RGS9: variants seen among roughly 807,000 people sequenced by gnomAD.
RGS9 encodes regulator of G protein signaling 9, also known as regulator of G-protein signalling 9.
In RGS9, 78 loss-of-function variants were observed where a neutral mutation model predicts 102.0. That is an observed-to-expected ratio of 0.76 (90% CI 0.64 to 0.92). The LOEUF is 0.92. Among genes scored for constraint, RGS9 ranks in the 40% least tolerant of loss-of-function variants. The pLI, the probability that RGS9 is intolerant of heterozygous loss-of-function variation, is 0.00. For missense variants in RGS9, 833 were observed against 866.1 expected (o/e 0.96, Z 0.48); for synonymous variants, 353 against 318.6 (o/e 1.11, Z -1.15).
chr17:65,189,346 G>T, intron 10 of RGS9, 31 bp downstream of exon 10: 1 of 1,558,628 alleles, frequency 6.4e-7, no homozygotes, highest in Non-Finnish European at 8.9e-7. Flanking sequence ...AGTGAAGAAT[G>T]GTTTTAAATC....
At chr17:65,210,721 G>C (rs1913262193) in intron 17 of RGS9, 116 bp downstream of exon 17, 9 of 1,536,760 alleles carry the variant, frequency 5.9e-6, no homozygotes, top group Non-Finnish European at 7.9e-6. Flanking sequence ...AGAAGGGTAG[G>C]GTCAGAGTCT....
intron 12 of RGS9, among the ~76,000 whole-genome samples, chr17:65,194,665 A>C (rs1236003388): frequency 1.3e-5 from 2 of 152,170 alleles, no homozygotes; most frequent in African/African-American, 4.8e-5. Flanking sequence ...GCAGAAACAC[A>C]GGAGAGTTCC....
intron 12 of RGS9, among the ~76,000 whole-genome samples, chr17:65,195,862 C>A (rs1343317597): frequency 1.3e-5 from 2 of 152,222 alleles, no homozygotes; most frequent in African/African-American, 4.8e-5. Context: ...AGCGTTGATT[C>A]CCAGTGTGGG....
In RGS9 at chr17:65,210,615, A is replaced by G; in HGVS notation, c.1407+10A>G. Reference sequence around the variant, plus strand: ...TGTGGACATCACCCAGGTCATGAGCAAGCTGGACCGCAGGAGCCAACTCCA... The same window carrying G: ...TGTGGACATCACCCAGGTCATGAGCGAGCTGGACCGCAGGAGCCAACTCCA... On this transcript the variant is annotated intron_variant, in intron 17 of 18. Transcript: ENST00000262406. 2 of 1,613,690 alleles carry G rather than the reference A, an allele frequency of 1.2e-6. No individual in the cohort carries two copies. The highest frequency in any genetic ancestry group is 1.7e-6 in the Non-Finnish European group (2 of 1,180,020).
In RGS9 at chr17:65,173,620, G is replaced by T. The variant is rs557322979; in HGVS notation, c.583-4112G>T. 6.6e-6 allele frequency among the ~76,000 whole-genome samples: 1 copy of T among 152,344 alleles called. No homozygotes were observed. Among genetic ancestry groups the T allele is most frequent in the Non-Finnish European group, 1.5e-5 (1 of 68,030 alleles). On this transcript the variant is annotated intron_variant, in intron 8 of 18. Coordinates refer to ENST00000262406, the MANE Select transcript of RGS9 (RefSeq NM_003835.4). The surrounding 1 kb of genome is among the most constrained non-coding windows in gnomAD (Gnocchi z 4.8). ...GAGGGGAGCTTGCATGTCTCTGAAGGCTTCCTGCATGAGGCACCAGGGCAG... is the reference window on the plus strand; with the variant it reads ...GAGGGGAGCTTGCATGTCTCTGAAGTCTTCCTGCATGAGGCACCAGGGCAG...
chr17:65,195,124 G>C (rs776793430), intron 12 of RGS9, among the ~76,000 whole-genome samples: 1 of 152,170 alleles, frequency 6.6e-6, no homozygotes, highest in Non-Finnish European at 1.5e-5. Context: ...GCCTCCCAGC[G>C]TACTGAATGA....
intron 9 of RGS9, 62 bp downstream of exon 9, chr17:65,177,865 C>G: frequency 7.7e-7 from 1 of 1,302,212 alleles, no homozygotes; most frequent in Non-Finnish European, 1.1e-6. Flanking sequence ...GGGAAGGTGT[C>G]CACATGTCTA....
At chr17:65,208,320 C>G (rs551054684) in intron 16 of RGS9, among the ~76,000 whole-genome samples, 2 of 152,126 alleles carry the variant, frequency 1.3e-5, no homozygotes, top group African/African-American at 2.4e-5. Context: ...AACTGCTACT[C>G]GTTACCTCCA....
chr17:65,178,004 G>A (rs1419699760), intron 9 of RGS9, among the ~76,000 whole-genome samples: 2 of 152,178 alleles, frequency 1.3e-5, no homozygotes, highest in African/African-American at 4.8e-5. Flanking sequence ...AAGAAATTAC[G>A]ACTGAAGACA....
In RGS9 at chr17:65,160,553, C is replaced by T. The variant is rs116098792; in HGVS notation, c.330C>T (p.Pro110=). 3.7e-6 allele frequency: 6 copies of T among 1,614,238 alleles called. No homozygotes were observed. The African/African-American group carries it at 8.0e-5, about 22-fold the overall frequency. Residue 110 remains proline, a synonymous_variant, in exon 5 of 19, where the codon CCC becomes CCT. Transcript: ENST00000262406. The part of the protein sequence containing the change: ...LYRFQTPYFW[P]TQQWPAEDTD... ...TTTTGCAGACACCGTATTTCTGGCCCACCCAGCAGTGGCCAGCTGAAGATA... is the reference window on the plus strand; with the variant it reads ...TTTTGCAGACACCGTATTTCTGGCCTACCCAGCAGTGGCCAGCTGAAGATA...
rs770978062 is a variant in RGS9 at position 65,168,328 on chromosome 17, C to T, written c.582+47C>T. The T allele has an allele frequency of 1.4e-5, 18 of 1,317,608 alleles. No individual in the cohort carries two copies. The South Asian group carries it at 1.5e-4, about 11-fold the overall frequency. 81.6% of individuals were successfully genotyped at this position (1,317,608 alleles called of 1,614,324 possible). A position where few individuals can be genotyped will look rare whatever the true frequency, so the allele number is the denominator to read the frequency against. Reference sequence around the variant, plus strand: ...GTCCTCTGTCTCTTCCTGTGCCTCCCACCTCCATCCTGTGCTCTCCATACC... The same window carrying T: ...GTCCTCTGTCTCTTCCTGTGCCTCCTACCTCCATCCTGTGCTCTCCATACC... On this transcript the variant is annotated intron_variant, in intron 8 of 18. Coordinates refer to ENST00000262406, the MANE Select transcript of RGS9 (RefSeq NM_003835.4).
intron 6 of RGS9, among the ~76,000 whole-genome samples, chr17:65,162,241 A>T (rs920299021): frequency 2.0e-5 from 3 of 151,906 alleles, no homozygotes; most frequent in Non-Finnish European, 2.9e-5. Flanking sequence ...AGATTAAAAA[A>T]TTAGCCAGGT....
chr17:65,184,814 C>A (rs1053953849), intron 9 of RGS9, among the ~76,000 whole-genome samples: 9 of 122,686 alleles, frequency 7.3e-5, no homozygotes, highest in African/African-American at 4.4e-4. Flanking sequence ...CTCTTTCTTT[C>A]CTCTCTCTCT....
At chr17:65,197,874 T>C (rs773105341) in intron 13 of RGS9, among the ~76,000 whole-genome samples, 1 of 152,084 alleles carries the variant, frequency 6.6e-6, no homozygotes, top group Non-Finnish European at 1.5e-5. Context: ...TTTCACCATA[T>C]TGGCCACGCT....
chr17:65,154,404 AG>A (rs1249979822), intron 2 of RGS9, among the ~76,000 whole-genome samples: 1 of 152,180 alleles, frequency 6.6e-6, no homozygotes, highest in East Asian at 1.9e-4. Context: ...GAGGGAGAAA[AG>A]GACTCAACAG....
chr17:65,186,499 G>A (rs1231977703), intron 9 of RGS9, among the ~76,000 whole-genome samples: 2 of 152,108 alleles, frequency 1.3e-5, no homozygotes, highest in African/African-American at 4.8e-5. Context: ...CACCGAACCC[G>A]GCCTTGTTTA....
chr17:65,150,576 CA>C (rs1910539860), intron 1 of RGS9, among the ~76,000 whole-genome samples: 1 of 152,084 alleles, frequency 6.6e-6, no homozygotes, highest in African/African-American at 2.4e-5. Flanking sequence ...GAGCTGAGAT[CA>C]TGCCACTGCA....
At chr17:65,201,802 T>C (rs2292593) in intron 13 of RGS9, among the ~76,000 whole-genome samples, 191 bp from the exon 14 acceptor site, 30,412 of 152,170 alleles carry the variant, frequency 0.2, 5,080 homozygotes, top group African/African-American at 0.43. Flanking sequence ...AGTGAAGATG[T>C]GGCTCCTTTC....
rs78613898 is a variant in RGS9 at position 65,138,336 on chromosome 17, C to T, written c.57+739C>T. On this transcript the variant is annotated intron_variant, in intron 1 of 18. Coordinates refer to ENST00000262406, the MANE Select transcript of RGS9 (RefSeq NM_003835.4). ...CGGGTCACATCTTTGTCCTTCCTCC[C>T]ACCCGTAGCCACTTTTCACAGCGTA... is the stretch of plus-strand genomic sequence containing the variant. Among the ~76,000 whole-genome samples, 439 of 152,264 alleles carry T rather than the reference C, an allele frequency of 2.9e-3. 3 individuals carry two copies. The highest frequency in any genetic ancestry group is 9.9e-3 in the African/African-American group (411 of 41,542).
Sources: allele counts gnomAD v4.1 joint callset (sites outside exome capture counted in the v4.1 genomes callset), GRCh38; gene constraint gnomAD v4.1.1; non-coding constraint Gnocchi (gnomAD v3.1); transcripts MANE v1.5; gene names NCBI Gene and HGNC (gene_info 2026-07-23, HGNC 2026-07-21).